The following ASIC2 variants were observed in gnomAD, a reference collection of about 807,000 sequenced individuals.
ASIC2 encodes the protein acid sensing ion channel subunit 2, also known as acid-sensing ion channel 2.
Under a neutral mutation model 57.3 loss-of-function variants are expected in ASIC2, and 25 were observed. The ratio of observed to expected loss-of-function variants is 0.44; its 90% CI spans 0.32 to 0.61. The LOEUF (loss-of-function observed/expected upper bound fraction) is 0.61. Among genes scored for constraint, ASIC2 ranks in the 20% least tolerant of loss-of-function variants. The pLI, the probability that ASIC2 is intolerant of heterozygous loss-of-function variation, is 0.06. For synonymous variants in ASIC2, 319 were observed against 307.5 expected, an observed-to-expected ratio of 1.04 and a Z score of -0.39; for missense variants, 641 against 738.1, an observed-to-expected ratio of 0.87 and a Z score of 1.52.
At chr17:33,503,433 A>G (rs1914158725) in intron 1 of ASIC2, among the ~76,000 whole-genome samples, 1 of 152,186 alleles carries the variant, frequency 6.6e-6, no homozygotes, top group African/African-American at 2.4e-5. Context: ...CTCAGGCAGC[A>G]GTGAGTGAAT....
chr17:33,238,197 C>T (rs2142116183), intron 1 of ASIC2, among the ~76,000 whole-genome samples: 1 of 152,304 alleles, frequency 6.6e-6, no homozygotes, highest in Admixed American at 6.5e-5. Flanking sequence ...TGAAGGATCC[C>T]ACAGGTGAAA....
At chr17:33,080,521 C>A (rs2092108885) in intron 3 of ASIC2, among the ~76,000 whole-genome samples, 1 of 152,062 alleles carries the variant, frequency 6.6e-6, no homozygotes, top group African/African-American at 2.4e-5. Context: ...TAGTACCCAC[C>A]CCATATGTAT....
chr17:34,073,782 G>C (rs986208084), intron 1 of ASIC2, among the ~76,000 whole-genome samples: 1 of 152,110 alleles, frequency 6.6e-6, no homozygotes, highest in Non-Finnish European at 1.5e-5. Flanking sequence ...AACGGGGTTG[G>C]GGCAACAGTG....
intron 1 of ASIC2, among the ~76,000 whole-genome samples, chr17:33,827,435 C>T (rs1276453972): frequency 2.0e-5 from 3 of 147,048 alleles, no homozygotes; most frequent in Non-Finnish European, 3.0e-5. Flanking sequence ...AGGTTCACGC[C>T]GTTCTCCTGC....
chr17:33,116,326 C>T (rs2092280832), intron 1 of ASIC2, among the ~76,000 whole-genome samples: 2 of 152,238 alleles, frequency 1.3e-5, no homozygotes, highest in African/African-American at 2.4e-5. Context: ...CAAGATGCAG[C>T]TCTTTCTGCA....
intron 1 of ASIC2, among the ~76,000 whole-genome samples, chr17:33,978,776 G>A (rs1251503092): frequency 1.3e-5 from 2 of 152,116 alleles, no homozygotes; most frequent in Non-Finnish European, 2.9e-5. Flanking sequence ...AGTAAGGAGT[G>A]TTAGGAAGGG....
chr17:33,312,687 C>A (rs1906481592), intron 1 of ASIC2, among the ~76,000 whole-genome samples: 1 of 152,210 alleles, frequency 6.6e-6, no homozygotes, highest in South Asian at 2.1e-4. Flanking sequence ...GTAATCCCAG[C>A]ACTTGGGGAA....
chr17:33,443,333 TTTAAAAA>T (rs1911890114), intron 1 of ASIC2, among the ~76,000 whole-genome samples: 1 of 152,006 alleles, frequency 6.6e-6, no homozygotes, highest in Non-Finnish European at 1.5e-5. Context: ...TTGTTTCTTC[TTTAAAAA>T]TGTGATAGAA....
chr17:33,473,011 C>T (rs1211290439), intron 1 of ASIC2, among the ~76,000 whole-genome samples: 1 of 152,180 alleles, frequency 6.6e-6, no homozygotes, highest in Non-Finnish European at 1.5e-5. Flanking sequence ...ATGGTTGCCA[C>T]GATGAATAAA....
chr17:33,888,881 A>G (rs998756139), intron 1 of ASIC2, among the ~76,000 whole-genome samples: 1 of 152,172 alleles, frequency 6.6e-6, no homozygotes, highest in African/African-American at 2.4e-5. Flanking sequence ...CTCTCCCACA[A>G]TCGGTCCACA....
chr17:34,107,987 GT>G (rs57741764), intron 1 of ASIC2, among the ~76,000 whole-genome samples: 17,358 of 151,950 alleles, frequency 0.11, 1,068 homozygotes, highest in Admixed American at 0.18. Flanking sequence ...CTATTTTCCA[GT>G]TTATCCTTCT....
At chr17:33,045,147 A>AT (rs2091947964) in intron 3 of ASIC2, among the ~76,000 whole-genome samples, 2 of 152,202 alleles carry the variant, frequency 1.3e-5, no homozygotes, top group Non-Finnish European at 1.5e-5. Context: ...GTTCTCCATA[A>AT]TTGTTAATGT....
At chr17:33,426,038 A>C (rs893999975) in intron 1 of ASIC2, among the ~76,000 whole-genome samples, 1 of 152,172 alleles carries the variant, frequency 6.6e-6, no homozygotes, top group Non-Finnish European at 1.5e-5. Context: ...GTTCCTCAGC[A>C]TTCTTCAACC....
intron 1 of ASIC2, among the ~76,000 whole-genome samples, chr17:33,359,052 G>C (rs1167690764): frequency 6.6e-6 from 1 of 152,212 alleles, no homozygotes; most frequent in Non-Finnish European, 1.5e-5. Flanking sequence ...AACAATGGAA[G>C]AGAAAGAAGG....
At chr17:34,097,773 C>T (rs1910600538) in intron 1 of ASIC2, among the ~76,000 whole-genome samples, 1 of 152,006 alleles carries the variant, frequency 6.6e-6, no homozygotes, top group African/African-American at 2.4e-5. Flanking sequence ...TTATGGCAGC[C>T]CTAAGAAATT....
intron 1 of ASIC2, among the ~76,000 whole-genome samples, chr17:33,435,692 T>A (rs943114774): frequency 6.6e-6 from 1 of 152,152 alleles, no homozygotes; most frequent in East Asian, 1.9e-4. Context: ...TACTAATAAA[T>A]TAAAAAACAA....
chr17:34,121,365 G>A (rs184601804), intron 1 of ASIC2, among the ~76,000 whole-genome samples: 6 of 152,130 alleles, frequency 3.9e-5, no homozygotes, highest in South Asian at 2.1e-4. Context: ...AAGGAACTTC[G>A]CCTGTACTCT....
At chr17:33,486,723 C>T (rs942722564) in intron 1 of ASIC2, among the ~76,000 whole-genome samples, 12 of 152,200 alleles carry the variant, frequency 7.9e-5, no homozygotes, top group African/African-American at 2.9e-4. Flanking sequence ...ACCTGTGGGC[C>T]TTGGACACTG....
chr17:34,045,299 G>C (rs7503428), intron 1 of ASIC2, among the ~76,000 whole-genome samples: 68,334 of 151,992 alleles, frequency 0.45, 16,833 homozygotes, highest in African/African-American at 0.67. Flanking sequence ...CTACCCATGG[G>C]CAATGTGAGC....
Sources: allele counts gnomAD v4.1 joint callset (sites outside exome capture counted in the v4.1 genomes callset), GRCh38; gene constraint gnomAD v4.1.1; transcripts MANE v1.5; gene names NCBI Gene and HGNC (gene_info 2026-07-23, HGNC 2026-07-21).